Variants in PLB1 observed in about 807,000 individuals in gnomAD.
PLB1 encodes the protein phospholipase B1, membrane-associated.
A neutral mutation model predicts 227.4 loss-of-function variants in PLB1; 242 were observed. The observed-to-expected ratio is 1.06, with a 90% CI of 0.96 to 1.18. The LOEUF (loss-of-function observed/expected upper bound fraction) is 1.18. Among genes scored for constraint, PLB1 ranks in the 50% most tolerant of loss-of-function variants. The pLI is 0.00. For missense variants in PLB1, 1,858 were observed against 1,816.3 expected, an observed-to-expected ratio of 1.02 and a Z score of -0.42; for synonymous variants, 757 against 682.2, an observed-to-expected ratio of 1.11 and a Z score of -1.71.
At chr2:28,634,779 T>C (rs1558972628) in intron 56 of PLB1, among the ~76,000 whole-genome samples, 1 of 152,070 alleles carries the variant, frequency 6.6e-6, no homozygotes, top group Non-Finnish European at 1.5e-5. Flanking sequence ...GGTGTGGTGG[T>C]GCATGCCTGT....
At chr2:28,540,275 C>T (rs1672296002) in intron 11 of PLB1, 91 bp from the exon 12 acceptor site, 2 of 1,027,036 alleles carry the variant, frequency 1.9e-6, no homozygotes, top group Non-Finnish European at 1.5e-6. Context: ...AACTCCTATG[C>T]CCCTTCTTCC....
At chr2:28,588,347 C>G (rs1681274094) in intron 26 of PLB1, among the ~76,000 whole-genome samples, 1 of 152,194 alleles carries the variant, frequency 6.6e-6, no homozygotes, top group African/African-American at 2.4e-5. Flanking sequence ...GGAAGTCACC[C>G]TGCTAGTTCA....
intron 39 of PLB1, 72 bp from the exon 40 acceptor site, chr2:28,603,894 C>G (rs1684273933): frequency 7.0e-7 from 1 of 1,434,774 alleles, no homozygotes. Flanking sequence ...CTCCCCTGAA[C>G]CTGGGCAATC....
chr2:28,618,237 A>G, intron 45 of PLB1, 104 bp from the exon 46 acceptor site: 1 of 1,067,536 alleles, frequency 9.4e-7, no homozygotes, highest in South Asian at 1.3e-5. Flanking sequence ...AAATAAGTAC[A>G]ATGGGGAGCA....
At chr2:28,554,966 C>T (rs1020054312) in intron 17 of PLB1, among the ~76,000 whole-genome samples, 17 of 151,954 alleles carry the variant, frequency 1.1e-4, no homozygotes, top group Non-Finnish European at 1.8e-4. Context: ...TTAGGCTCCT[C>T]GATCTGACCA....
chr2:28,518,547 G>A lies in PLB1; in HGVS notation c.184+15G>A. ...TTCTAAATCAGGTATGTAACCCTTG[G>A]CCATGAGCAGGAAAAGCCTGGCGTT... On this transcript the variant is annotated intron_variant, in intron 3 of 57. Coordinates refer to ENST00000327757, the MANE Select transcript of PLB1 (RefSeq NM_153021.5). The A allele has an allele frequency of 6.3e-7, 1 of 1,599,808 alleles. No individual in the cohort carries two copies.
At chr2:28,634,563 G>A (rs183593832) in intron 56 of PLB1, among the ~76,000 whole-genome samples, 1 of 152,296 alleles carries the variant, frequency 6.6e-6, no homozygotes, top group Admixed American at 6.5e-5. Flanking sequence ...TAGCCATAGT[G>A]ACGGCTGGAA....
At chr2:28,641,045 G>A (rs1266965104) in intron 57 of PLB1, 44 bp downstream of exon 57, 2 of 1,582,732 alleles carry the variant, frequency 1.3e-6, no homozygotes, top group African/African-American at 1.4e-5. Context: ...AGATGCCTGG[G>A]GTGGGGGTTG....
At chr2:28,563,651 G>GC (rs1180068845) in intron 18 of PLB1, among the ~76,000 whole-genome samples, 1 of 151,750 alleles carries the variant, frequency 6.6e-6, no homozygotes, top group Non-Finnish European at 1.5e-5. Flanking sequence ...TTCTGCATCT[G>GC]CCCCCGGGTG....
intron 1 of PLB1, among the ~76,000 whole-genome samples, chr2:28,500,397 G>A (rs1666948573): frequency 6.6e-6 from 1 of 152,148 alleles, no homozygotes; most frequent in African/African-American, 2.4e-5. Context: ...CCTGCCCCAT[G>A]TGGTTTATAA....
chr2:28,566,676 T>C, intron 19 of PLB1, 120 bp from the exon 20 acceptor site: 1 of 1,106,936 alleles, frequency 9.0e-7, no homozygotes, highest in Non-Finnish European at 1.4e-6. Context: ...ATGGGGAAAG[T>C]GCAAGCTCCA....
rs951890034 is a variant in PLB1, at chr2:28,520,246, T to A, written c.243+483T>A. ...CCCAGCCGAATCTTTTTTTTTTTTT[T>A]AAATCAAATGAATGCCTCTCTTTAC... On this transcript the variant is annotated intron_variant, in intron 4 of 57. Transcript: ENST00000327757. Among the ~76,000 whole-genome samples the A allele has an allele frequency of 8.8e-5, 12 of 136,234 alleles. No individual in the cohort carries two copies. In the South Asian group the frequency reaches 9.7e-4, roughly 11 times the overall value. The allele number at this position is 136,234 out of a possible 152,430, so 89.4% of individuals were successfully genotyped here.
chr2:28,580,313 C>A (rs1424521611), intron 23 of PLB1, among the ~76,000 whole-genome samples: 4 of 152,234 alleles, frequency 2.6e-5, no homozygotes, highest in Non-Finnish European at 5.9e-5. Context: ...AACACAGGCC[C>A]TGTCCTCAGG....
intron 20 of PLB1, among the ~76,000 whole-genome samples, chr2:28,568,016 G>A (rs1677344217): frequency 6.6e-6 from 1 of 152,100 alleles, no homozygotes; most frequent in African/African-American, 2.4e-5. Flanking sequence ...ACCAAGATTT[G>A]GATGAGGGGG....
chr2:28,598,922 T>C (rs1053787660), intron 35 of PLB1, among the ~76,000 whole-genome samples, 162 bp downstream of exon 35: 8 of 121,590 alleles, frequency 6.6e-5, no homozygotes, highest in African/African-American at 1.8e-4. Flanking sequence ...AAGGTTGTAA[T>C]AGGCCAGAGA....
At chr2:28,625,230 C>T (rs1447841497) in intron 50 of PLB1, 122 bp downstream of exon 50, 5 of 908,086 alleles carry the variant, frequency 5.5e-6, no homozygotes, top group African/African-American at 1.7e-5. Flanking sequence ...CCAAAAGATC[C>T]TCGGAGAAGC....
Position 28,550,041 on chromosome 2 carries a change from G to A in PLB1, c.1040G>A (p.Ser347Asn). 6.2e-7 allele frequency: 1 copy of A among 1,613,494 alleles called. No individual in the cohort carries two copies. The highest frequency in any genetic ancestry group is 1.1e-5 in the South Asian group (1 of 91,028). The change falls in exon 16 of 58, where the codon AGC becomes AAC. Residue 347 changes from serine (S) to asparagine (N), a missense_variant. Coordinates refer to ENST00000327757, the MANE Select transcript of PLB1 (RefSeq NM_153021.5). ...CCCTATCTGTTCAGCTACAGAAACA[G>A]CAACTACCTGACCAGACTGCAGAAA... ...ESPYLFSYRN[S>N]NYLTRLQKPQ...
chr2:28,618,409 G>C lies in PLB1; in HGVS notation c.3315+10G>C. On this transcript the variant is annotated intron_variant, in intron 46 of 57. Transcript: ENST00000327757. ...GGGTGACTCTCTGACTGTGAGTAGT[G>C]AGCCATGAACCAGGATGGGCAGCTC... 6.2e-7 allele frequency: 1 copy of C among 1,613,690 alleles called. No individual in the cohort carries two copies. The highest frequency in any genetic ancestry group is 8.5e-7 in the Non-Finnish European group (1 of 1,179,680).
chr2:28,609,851 C>T (rs775819162), intron 43 of PLB1, among the ~76,000 whole-genome samples: 2 of 152,168 alleles, frequency 1.3e-5, no homozygotes, highest in Non-Finnish European at 2.9e-5. Context: ...GGATTCTTCC[C>T]ACCTGTCCCT....
Sources: gnomAD v4.1 joint callset for allele counts (sites outside exome capture counted in the v4.1 genomes callset) on GRCh38, gnomAD v4.1.1 for gene constraint, MANE v1.5 for transcripts, NCBI Gene and HGNC (gene_info 2026-07-23, HGNC 2026-07-21) for gene names.